ZNG1F: variants seen among roughly 807,000 people sequenced by gnomAD.
ZNG1F encodes the protein zinc-regulated GTPase metalloprotein activator 1F.
the ZNG1F span, chr9:41,132,682 A>T: frequency 1.7e-6 from 1 of 576,172 alleles, no homozygotes. Flanking sequence ...AATATGTATC[A>T]TATCCTATTG....
chr9:41,138,842 G>T, the ZNG1F span, among the ~76,000 whole-genome samples: 2 of 127,184 alleles, frequency 1.6e-5, no homozygotes, highest in African/African-American at 3.3e-5. Context: ...TTTTATTTAT[G>T]CTATCTAGTT....
chr9:41,131,862 A>G, the ZNG1F span: 6 of 379,600 alleles, frequency 1.6e-5, no homozygotes, highest in Admixed American at 3.2e-4. Context: ...ACAAAATATG[A>G]CGTGATTACA....
At chr9:41,138,029 A>G in the ZNG1F span, among the ~76,000 whole-genome samples, 58 of 87,886 alleles carry the variant, frequency 6.6e-4, 10 homozygotes, top group Non-Finnish European at 1.6e-3. Context: ...TGTTGCCTGT[A>G]TACCTTGTTT....
chr9:41,174,232 G>GAAAAAACAAAAA, the ZNG1F span: 1 of 904,710 alleles, frequency 1.1e-6, no homozygotes, highest in Non-Finnish European at 1.4e-6. Context: ...CTCTGTCTCA[G>GAAAAAACAAAAA]AAAAAAAAAA....
chr9:41,174,271 A>G, the ZNG1F span: 2 of 1,538,378 alleles, frequency 1.3e-6, no homozygotes, highest in African/African-American at 2.8e-5. Flanking sequence ...GAAAGATAAA[A>G]GAAAACTGTT....
the ZNG1F span, chr9:41,164,925 G>A: frequency 7.0e-7 from 1 of 1,434,650 alleles, no homozygotes; most frequent in Non-Finnish European, 9.6e-7. Flanking sequence ...AGTTTCTACA[G>A]GGCAACAATC....
At chr9:41,166,422 T>A in the ZNG1F span, among the ~76,000 whole-genome samples, 193 of 48,358 alleles carry the variant, frequency 4.0e-3, no homozygotes, top group African/African-American at 7.8e-3. Context: ...TCTCAAAAAA[T>A]AATAATAATA....
chr9:41,178,838 T>C, the ZNG1F span, among the ~76,000 whole-genome samples: 1 of 113,704 alleles, frequency 8.8e-6, no homozygotes, highest in Non-Finnish European at 1.9e-5. Context: ...AGTGCTGAGA[T>C]TACAGGCATG....
chr9:41,146,231 T>C, the ZNG1F span, among the ~76,000 whole-genome samples: 1 of 140,408 alleles, frequency 7.1e-6, no homozygotes, highest in African/African-American at 2.7e-5. Context: ...TTCCCTATAG[T>C]GGTGAGATCA....
At chr9:41,201,334 G>A in the ZNG1F span, among the ~76,000 whole-genome samples, 1 of 127,044 alleles carries the variant, frequency 7.9e-6, no homozygotes, top group Non-Finnish European at 1.7e-5. Flanking sequence ...ACACACCCTT[G>A]CAATAACATG....
At chr9:41,146,074 G>T in the ZNG1F span, 8 of 143,944 alleles carry the variant, frequency 5.6e-5, no homozygotes, top group East Asian at 1.5e-3. Context: ...GAAAGAGAAA[G>T]AACTTGTAGG....
chr9:41,183,471 A>G, the ZNG1F span: 1 of 1,318,634 alleles, frequency 7.6e-7, no homozygotes, highest in South Asian at 1.4e-5. Flanking sequence ...CAAACTGTGT[A>G]AATTCAGTTA....
the ZNG1F span, among the ~76,000 whole-genome samples, chr9:41,183,904 T>C: frequency 5.4e-5 from 8 of 147,870 alleles, no homozygotes; most frequent in Admixed American, 2.1e-4. Context: ...CTGATAAACA[T>C]ACCTACTTCC....
At chr9:41,132,102 A>C in the ZNG1F span, 1 of 1,549,416 alleles carries the variant, frequency 6.5e-7, no homozygotes. Context: ...AAGATGAAAC[A>C]TTGACCACAA....
the ZNG1F span, among the ~76,000 whole-genome samples, chr9:41,201,376 G>A: frequency 2.5e-3 from 264 of 107,008 alleles, no homozygotes; most frequent in East Asian, 4.2e-3. Flanking sequence ...AGATGACAGA[G>A]ACAATGGGGG....
At chr9:41,199,794 T>C in the ZNG1F span, among the ~76,000 whole-genome samples, 2 of 152,060 alleles carry the variant, frequency 1.3e-5, no homozygotes, top group Admixed American at 1.3e-4. Flanking sequence ...CAAACCTCAA[T>C]TCTTGACTTC....
the ZNG1F span, among the ~76,000 whole-genome samples, chr9:41,169,191 A>C: frequency 8.6e-5 from 13 of 151,380 alleles, no homozygotes; most frequent in Non-Finnish European, 1.5e-4. Flanking sequence ...TCAGCCCTGC[A>C]TTTCCCTCAT....
At chr9:41,175,690 CTT>C in the ZNG1F span, among the ~76,000 whole-genome samples, 3 of 71,362 alleles carry the variant, frequency 4.2e-5, no homozygotes, top group East Asian at 3.9e-4. Context: ...ATATTTGCCT[CTT>C]AAGTTGAAAT....
At chr9:41,165,261 C>T in the ZNG1F span, among the ~76,000 whole-genome samples, 11 of 61,462 alleles carry the variant, frequency 1.8e-4, no homozygotes, top group African/African-American at 7.8e-4. Flanking sequence ...TCAGTTTACT[C>T]CTAATCCGCT....
Sources: allele counts gnomAD v4.1 joint callset (sites outside exome capture counted in the v4.1 genomes callset), GRCh38; gene constraint gnomAD v4.1.1; transcripts MANE v1.5; gene names NCBI Gene and HGNC (gene_info 2026-07-23, HGNC 2026-07-21).